The following DNAJC17 variants were observed in gnomAD, a reference collection of about 807,000 sequenced individuals.
DNAJC17 encodes the protein DnaJ heat shock protein family (Hsp40) member C17, also known as dnaJ homolog subfamily C member 17.
Under a neutral mutation model 48.1 loss-of-function variants are expected in DNAJC17, and 35 were observed. That is an observed-to-expected ratio of 0.73 (90% CI 0.56 to 0.96). The LOEUF is 0.96. Ranked by LOEUF, DNAJC17 falls within the 50% of genes least tolerant of loss-of-function variation. DNAJC17 has a pLI of 0.00. For missense variants in DNAJC17, 355 were observed against 377.1 expected (o/e 0.94, Z 0.48); for synonymous variants, 117 against 142.7 (o/e 0.82, Z 1.28).
intron 1 of DNAJC17, among the ~76,000 whole-genome samples, chr15:40,803,898 A>C (rs193247233): frequency 6.6e-6 from 1 of 151,598 alleles, no homozygotes; most frequent in African/African-American, 2.4e-5. Context: ...CACCAGCCCC[A>C]TCTGACCCCC....
intron 10 of DNAJC17, 73 bp from the exon 11 acceptor site, chr15:40,768,135 C>T (rs1038419552): frequency 6.9e-7 from 1 of 1,459,158 alleles, no homozygotes. Flanking sequence ...GAGTACGGTG[C>T]CGAGGCAGTG....
At chr15:40,775,201 C>A in intron 7 of DNAJC17, 93 bp from the exon 8 acceptor site, 1 of 1,310,312 alleles carries the variant, frequency 7.6e-7, no homozygotes, top group East Asian at 2.3e-5. Flanking sequence ...ATCCTCCCAC[C>A]CTCCAAGCCT....
At chr15:40,804,131 T>TG (rs1472527608) in intron 1 of DNAJC17, among the ~76,000 whole-genome samples, 1 of 141,870 alleles carries the variant, frequency 7.0e-6, no homozygotes, top group African/African-American at 2.9e-5. Context: ...CCTGCCCAGC[T>TG]TTTTTTTTTA....
At chr15:40,776,147 A>T (rs776624067) in intron 6 of DNAJC17, 49 bp downstream of exon 6, 1 of 1,581,866 alleles carries the variant, frequency 6.3e-7, no homozygotes, top group African/African-American at 1.3e-5. Context: ...CGCTCTGAGC[A>T]ATCTGGAGCT....
chr15:40,807,231 G>C lies in DNAJC17; in HGVS notation c.78+138C>G. 3 of 1,554,364 alleles carry C rather than the reference G, an allele frequency of 1.9e-6. No individual in the cohort carries two copies. In the South Asian group the frequency reaches 3.5e-5, roughly 18 times the overall value. On this transcript the variant is annotated intron_variant, in intron 1 of 10. Transcript: ENST00000220496. ...GGAAATGTCTGGGAGCCCGCCTGCGGAGGGCATAGCGCCGACCCTCGCTCC... is the reference window on the plus strand; with the variant it reads ...GGAAATGTCTGGGAGCCCGCCTGCGCAGGGCATAGCGCCGACCCTCGCTCC...
chr15:40,775,197 C>G, intron 7 of DNAJC17, 89 bp from the exon 8 acceptor site: 1 of 1,417,390 alleles, frequency 7.1e-7, no homozygotes, highest in Non-Finnish European at 9.9e-7. Flanking sequence ...AGACATCCTC[C>G]CACCCTCCAA....
At chr15:40,776,347 C>A in intron 5 of DNAJC17, 55 bp from the exon 6 acceptor site, 1 of 1,579,730 alleles carries the variant, frequency 6.3e-7, no homozygotes, top group Non-Finnish European at 8.7e-7. Context: ...TCCAGGCTGG[C>A]TCACCTTGTA....
At chr15:40,792,381 T>C (rs1889829456) in intron 1 of DNAJC17, 2 of 846,672 alleles carry the variant, frequency 2.4e-6, no homozygotes, top group Admixed American at 6.2e-5. Flanking sequence ...TCCTGATAAA[T>C]AGACTTAAGC....
chr15:40,784,969 G>A (rs1889602807), intron 1 of DNAJC17, among the ~76,000 whole-genome samples: 1 of 151,930 alleles, frequency 6.6e-6, no homozygotes, highest in East Asian at 1.9e-4. Context: ...ATGGTGGTGG[G>A]AGCCTGTAAT....
rs1888953410 is a variant in DNAJC17, at chr15:40,766,503, CA to C, written c.*1436del. ...AGAGTTGTCAGAGTGAGTGCCAGTT[CA>C]AATCGGGGAAAGAGGAGGGCTGATC... On this transcript the variant is annotated 3_prime_UTR_variant, in exon 11 of 11. Transcript: ENST00000220496. 6.6e-6 allele frequency: 1 copy of C among 152,258 alleles called. No homozygotes were observed. The highest frequency in any genetic ancestry group is 1.5e-5 in the Non-Finnish European group (1 of 68,070). The allele number at this position is 152,258 out of a possible 1,614,324, so 9.4% of individuals were successfully genotyped here.
intron 3 of DNAJC17, 39 bp from the exon 4 acceptor site, chr15:40,779,349 G>C (rs1425636504): frequency 1.2e-6 from 2 of 1,609,636 alleles, no homozygotes; most frequent in South Asian, 2.2e-5. Flanking sequence ...GGGTCAGTGA[G>C]AGAGTAAAGA....
intron 1 of DNAJC17, among the ~76,000 whole-genome samples, chr15:40,800,632 T>A (rs749293768): frequency 7.1e-6 from 1 of 141,478 alleles, no homozygotes; most frequent in African/African-American, 3.1e-5. Flanking sequence ...TTGAGCTGTG[T>A]TTTTTTTTCT....
chr15:40,785,769 G>T (rs1889624122), intron 1 of DNAJC17, among the ~76,000 whole-genome samples: 2 of 152,082 alleles, frequency 1.3e-5, no homozygotes, highest in African/African-American at 4.8e-5. Context: ...TCAATCCTGG[G>T]TTCACTCCCA....
At chr15:40,774,313 T>G (rs773539913) in intron 9 of DNAJC17, 43 bp downstream of exon 9, 4 of 1,604,596 alleles carry the variant, frequency 2.5e-6, no homozygotes, top group South Asian at 1.1e-5. Context: ...TGCCCTAGAA[T>G]GACAGGGCCA....
intron 1 of DNAJC17, among the ~76,000 whole-genome samples, chr15:40,795,875 G>A (rs1169481241): frequency 6.6e-6 from 1 of 152,212 alleles, no homozygotes; most frequent in Non-Finnish European, 1.5e-5. Context: ...CTGGGCGACA[G>A]AGTGAGACTC....
rs1373860483 is a variant in DNAJC17, at chr15:40,766,014, C to G, written c.*1926G>C. 5 of 560,918 alleles carry G rather than the reference C, an allele frequency of 8.9e-6. No homozygotes were observed. Among genetic ancestry groups the G allele is most frequent in the African/African-American group, 7.7e-5 (4 of 51,672 alleles). The allele number at this position is 560,918 out of a possible 1,614,324, so 34.7% of individuals were successfully genotyped here. On this transcript the variant is annotated 3_prime_UTR_variant, in exon 11 of 11. Coordinates refer to ENST00000220496, the MANE Select transcript of DNAJC17 (RefSeq NM_018163.3). The stretch of plus-strand genomic sequence containing the variant: ...CAACCTCCAAGCCCAGGGACAGGGC[C>G]CAGCATCAGAGCCCCCTGCCTGCAT...
In DNAJC17 at chr15:40,778,776, AC is replaced by A. The variant is rs1330222243; in HGVS notation, c.295+446del. Reference sequence around the variant, plus strand: ...ATGGTGAAACTCCATCTCTAAAAAAACGGAACAAAATTAGCCGGGCGTAGTG... The same window carrying A: ...ATGGTGAAACTCCATCTCTAAAAAAAGGAACAAAATTAGCCGGGCGTAGTG... On this transcript the variant is annotated intron_variant, in intron 4 of 10. Coordinates refer to ENST00000220496, the MANE Select transcript of DNAJC17 (RefSeq NM_018163.3). 5.3e-5 allele frequency among the ~76,000 whole-genome samples: 8 copies of A among 152,252 alleles called. No individual in the cohort carries two copies. In the East Asian group the frequency reaches 1.6e-3, roughly 30 times the overall value.
intron 1 of DNAJC17, among the ~76,000 whole-genome samples, chr15:40,796,577 A>T (rs1889944517): frequency 6.6e-6 from 1 of 152,210 alleles, no homozygotes; most frequent in Non-Finnish European, 1.5e-5. Context: ...TAGGATGGTT[A>T]TTATCCAAAG....
At chr15:40,790,531 ATCGTG>A (rs1889772431) in intron 1 of DNAJC17, among the ~76,000 whole-genome samples, 1 of 152,136 alleles carries the variant, frequency 6.6e-6, no homozygotes, top group African/African-American at 2.4e-5. Context: ...GTGAGCCAAG[ATCGTG>A]CCACTGCACT....
Sources: gnomAD v4.1 joint callset for allele counts (sites outside exome capture counted in the v4.1 genomes callset) on GRCh38, gnomAD v4.1.1 for gene constraint, MANE v1.5 for transcripts, NCBI Gene and HGNC (gene_info 2026-07-23, HGNC 2026-07-21) for gene names.